Variants in ALG5 observed in about 807,000 individuals in gnomAD.
ALG5 encodes the protein ALG5 dolichyl-phosphate beta-glucosyltransferase.
Under a neutral mutation model 51.8 loss-of-function variants are expected in ALG5, and 26 were observed. The observed-to-expected ratio is 0.50, with a 90% CI of 0.37 to 0.70. The LOEUF (loss-of-function observed/expected upper bound fraction) is 0.70, where lower values mean the gene tolerates loss of function less well. Among genes scored for constraint, ALG5 ranks in the 30% least tolerant of loss-of-function variants. The pLI, the probability that ALG5 is intolerant of heterozygous loss-of-function variation, is 0.00. For missense variants in ALG5, 311 were observed against 399.3 expected, an observed-to-expected ratio of 0.78 and a Z score of 1.88; for synonymous variants, 141 against 136.1, an observed-to-expected ratio of 1.04 and a Z score of -0.25.
At chr13:36,982,109 A>AAAC (rs200434481) in intron 6 of ALG5, among the ~76,000 whole-genome samples, 15 of 152,114 alleles carry the variant, frequency 9.9e-5, no homozygotes, top group Non-Finnish European at 1.8e-4. Flanking sequence ...ACAAACAAAC[A>AAAC]AACAACAACA....
At chr13:36,971,884 G>T in intron 7 of ALG5, 93 bp downstream of exon 7, 1 of 904,984 alleles carries the variant, frequency 1.1e-6, no homozygotes, top group Non-Finnish European at 1.7e-6. Context: ...TAAGAGATTA[G>T]ACATAAAAGC....
chr13:36,980,928 T>C (rs970115313), intron 6 of ALG5, among the ~76,000 whole-genome samples: 3 of 152,106 alleles, frequency 2.0e-5, no homozygotes, highest in Non-Finnish European at 2.9e-5. Flanking sequence ...GAGCTGAGAT[T>C]GAGCCACTGC....
rs1252402734 is a variant in ALG5, at chr13:36,985,847, A to G, written c.448-107T>C. The G allele has an allele frequency of 1.7e-5, 11 of 643,480 alleles. No homozygotes were observed. In the East Asian group the frequency reaches 2.8e-4, roughly 16 times the overall value. 39.9% of individuals were successfully genotyped at this position (643,480 alleles called of 1,614,324 possible). A position where few individuals can be genotyped will look rare whatever the true frequency, so the allele number is the denominator to read the frequency against. On this transcript the variant is annotated intron_variant, in intron 5 of 9. Transcript: ENST00000239891. ...AATACCTAAGAGTGAAAGATGAGGT[A>G]TGAGATGGCTGAAGGAGGCCAGAGT... is the stretch of plus-strand genomic sequence containing the variant.
At chr13:36,999,064 G>A (rs935001443) in intron 1 of ALG5, 171 bp downstream of exon 1, 5 of 471,320 alleles carry the variant, frequency 1.1e-5, no homozygotes, top group African/African-American at 6.1e-5. Context: ...AAGAACCGAA[G>A]AAAAGGAGAG....
At chr13:36,993,559 C>G in intron 4 of ALG5, 45 bp downstream of exon 4, 1 of 1,527,834 alleles carries the variant, frequency 6.5e-7, no homozygotes. Context: ...CAAAATTATT[C>G]TCTATTTTCT....
intron 8 of ALG5, among the ~76,000 whole-genome samples, chr13:36,957,460 G>A (rs2058845348): frequency 6.6e-6 from 1 of 152,018 alleles, no homozygotes; most frequent in Non-Finnish European, 1.5e-5. Flanking sequence ...CAATGGCCCC[G>A]CTTTCAAGGC....
chr13:36,992,505 A>C (rs938714935), intron 4 of ALG5, among the ~76,000 whole-genome samples: 3 of 152,228 alleles, frequency 2.0e-5, no homozygotes. Flanking sequence ...GGAATATAAC[A>C]TTGTTAAAGC....
At chr13:36,954,861 G>A (rs940655130) in intron 8 of ALG5, among the ~76,000 whole-genome samples, 1 of 152,130 alleles carries the variant, frequency 6.6e-6, no homozygotes, top group Non-Finnish European at 1.5e-5. Context: ...GCTGCCTCCT[G>A]CAGCCCTATC....
chr13:36,971,824 A>T (rs538398929), intron 7 of ALG5, among the ~76,000 whole-genome samples, 153 bp downstream of exon 7: 1 of 152,228 alleles, frequency 6.6e-6, no homozygotes, highest in Non-Finnish European at 1.5e-5. Flanking sequence ...AATCCTTCAT[A>T]ACCTTTCCAC....
chr13:36,962,969 A>G (rs2138788296), intron 8 of ALG5, among the ~76,000 whole-genome samples: 2 of 152,258 alleles, frequency 1.3e-5, no homozygotes, highest in East Asian at 3.9e-4. Context: ...TTTTTTTAAG[A>G]GACAGGATTT....
At chr13:36,980,394 C>G (rs1255316837) in intron 6 of ALG5, among the ~76,000 whole-genome samples, 1 of 151,934 alleles carries the variant, frequency 6.6e-6, no homozygotes, top group South Asian at 2.1e-4. Flanking sequence ...GCTACGACAC[C>G]TGGCTAATTT....
chr13:36,952,581 T>A lies in ALG5; in HGVS notation c.792A>T (p.Leu264=), dbSNP rs763482632. The A allele has an allele frequency of 6.3e-7, 1 of 1,577,198 alleles. No homozygotes were observed. Among genetic ancestry groups the A allele is most frequent in the Middle Eastern group, 1.7e-4 (1 of 5,936 alleles). The change falls in exon 9 of 10, where the codon CTA becomes CTT. Residue 264 remains leucine, a synonymous_variant. Transcript: ENST00000239891. The stretch of plus-strand genomic sequence containing the variant: ...TTTTAAAGAACTGTGCTATGTACAG[T>A]AGTTCTACATCAAATGCCCTAAAAT... ...HVERWAFDVE[L]LYIAQFFKIP...
At chr13:36,985,558 C>T in intron 6 of ALG5, 69 bp downstream of exon 6, 1 of 1,262,736 alleles carries the variant, frequency 7.9e-7, no homozygotes, top group Non-Finnish European at 1.1e-6. Flanking sequence ...GGTAAACTCT[C>T]CTTTAACTTT....
chr13:36,962,068 G>A (rs183442474), intron 8 of ALG5, among the ~76,000 whole-genome samples: 72 of 152,254 alleles, frequency 4.7e-4, no homozygotes, highest in African/African-American at 1.6e-3. Flanking sequence ...GATTACAGGC[G>A]TGAGCCACTA....
At chr13:36,986,157 C>G (rs1282398898) in intron 5 of ALG5, among the ~76,000 whole-genome samples, 4 of 152,058 alleles carry the variant, frequency 2.6e-5, no homozygotes. Flanking sequence ...ATTAAACATT[C>G]TAATATATAG....
At chr13:36,978,821 C>T (rs527982960) in intron 6 of ALG5, among the ~76,000 whole-genome samples, 1 of 149,018 alleles carries the variant, frequency 6.7e-6, no homozygotes, top group Admixed American at 6.7e-5. Flanking sequence ...GAGGCTGAGG[C>T]AGGAGAATCA....
In ALG5 at chr13:36,972,908, C is replaced by T. The variant is rs143005964; in HGVS notation, c.562-872G>A. 2.7e-3 allele frequency among the ~76,000 whole-genome samples: 403 copies of T among 148,160 alleles called. 2 individuals carry two copies. The highest frequency in any genetic ancestry group is 9.1e-3 in the African/African-American group (368 of 40,264). The stretch of plus-strand genomic sequence containing the variant: ...TCGGGAGGCTGAGGCAGGAGAATGG[C>T]GTGAACCCAGGAGGCAGAGCTTGCA... On this transcript the variant is annotated intron_variant, in intron 6 of 9. Coordinates refer to ENST00000239891, the MANE Select transcript of ALG5 (RefSeq NM_013338.5).
intron 6 of ALG5, among the ~76,000 whole-genome samples, chr13:36,975,146 G>C (rs746564133): frequency 2.0e-5 from 3 of 152,162 alleles, no homozygotes; most frequent in Non-Finnish European, 4.4e-5. Flanking sequence ...AGGAGGCGGA[G>C]GGTGCAGTGA....
intron 8 of ALG5, among the ~76,000 whole-genome samples, chr13:36,955,455 C>T (rs1362319030): frequency 1.3e-5 from 2 of 150,750 alleles, no homozygotes; most frequent in Admixed American, 1.3e-4. Flanking sequence ...TGTAGTCATG[C>T]AACAAGAATA....
Sources: allele counts gnomAD v4.1 joint callset (sites outside exome capture counted in the v4.1 genomes callset), GRCh38; gene constraint gnomAD v4.1.1; transcripts MANE v1.5; gene names NCBI Gene and HGNC (gene_info 2026-07-23, HGNC 2026-07-21).